Variants in FAM120B observed in about 807,000 individuals in gnomAD.
FAM120B encodes the protein family with sequence similarity 120 member B, also known as constitutive coactivator of peroxisome proliferator-activated receptor gamma.
Under a neutral mutation model 96.3 loss-of-function variants are expected in FAM120B, and 83 were observed. That is an observed-to-expected ratio of 0.86 (90% CI 0.72 to 1.03). The LOEUF (loss-of-function observed/expected upper bound fraction) is 1.03. Among genes scored for constraint, FAM120B ranks in the 50% least tolerant of loss-of-function variants. The probability of loss-of-function intolerance (pLI) is 0.00; values close to 1 mark genes in which losing one functional copy is unlikely to be tolerated. For missense variants in FAM120B, 1,027 were observed against 1,121.2 expected (o/e 0.92, Z 1.20); for synonymous variants, 407 against 402.7 (o/e 1.01, Z -0.13).
At chr6:170,334,677 C>T (rs956975879) in intron 4 of FAM120B, among the ~76,000 whole-genome samples, 5 of 152,088 alleles carry the variant, frequency 3.3e-5, no homozygotes, top group African/African-American at 1.2e-4. Context: ...TGCAGATCAA[C>T]ATAAATTGGT....
intron 5 of FAM120B, among the ~76,000 whole-genome samples, chr6:170,354,483 G>A (rs1787770159): frequency 6.6e-6 from 1 of 152,136 alleles, no homozygotes; most frequent in Non-Finnish European, 1.5e-5. Flanking sequence ...ACAACCTACA[G>A]AATGGGAGAA....
chr6:170,403,127 A>G (rs997109765), intron 9 of FAM120B, among the ~76,000 whole-genome samples: 1 of 152,232 alleles, frequency 6.6e-6, no homozygotes, highest in Admixed American at 6.5e-5. Flanking sequence ...GCTATATTTC[A>G]TTTGCATTCT....
At chr6:170,316,226 C>G (rs1307673480) in intron 1 of FAM120B, among the ~76,000 whole-genome samples, 1 of 152,154 alleles carries the variant, frequency 6.6e-6, no homozygotes, top group Non-Finnish European at 1.5e-5. Context: ...TAAATGCCTA[C>G]CACTGTCTGG....
chr6:170,350,483 C>T (rs1787502000), intron 5 of FAM120B, among the ~76,000 whole-genome samples: 1 of 152,218 alleles, frequency 6.6e-6, no homozygotes, highest in African/African-American at 2.4e-5. Flanking sequence ...TTCCTCCTGA[C>T]TGGGTGAGTC....
At chr6:170,340,542 A>G (rs984155273) in intron 4 of FAM120B, among the ~76,000 whole-genome samples, 1 of 152,138 alleles carries the variant, frequency 6.6e-6, no homozygotes, top group Non-Finnish European at 1.5e-5. Context: ...CTTGCTGGAG[A>G]GGAGTTGCGA....
intron 1 of FAM120B, among the ~76,000 whole-genome samples, chr6:170,316,873 G>A (rs1784933627): frequency 6.6e-6 from 1 of 152,286 alleles, no homozygotes; most frequent in East Asian, 1.9e-4. Context: ...TGTCACTACG[G>A]ATTAGCATAA....
At chr6:170,325,270 G>A (rs1785517659) in intron 3 of FAM120B, among the ~76,000 whole-genome samples, 1 of 151,972 alleles carries the variant, frequency 6.6e-6, no homozygotes, top group Admixed American at 6.6e-5. Flanking sequence ...TGCATGGTAT[G>A]GTATTTTTTC....
chr6:170,292,276 G>A (rs900035235), upstream of FAM120B, among the ~76,000 whole-genome samples: 10 of 152,170 alleles, frequency 6.6e-5, no homozygotes, highest in African/African-American at 1.9e-4. This position sits in a 1 kb window ranked among gnomAD's most constrained non-coding sequence, Gnocchi z 6.6. Flanking sequence ...TGGGAGGGCC[G>A]AGAACACACG....
At chr6:170,378,474 T>C (rs1386574137) in intron 6 of FAM120B, among the ~76,000 whole-genome samples, 4 of 152,228 alleles carry the variant, frequency 2.6e-5, no homozygotes, top group Non-Finnish European at 4.4e-5. Flanking sequence ...TAAAGTTTCT[T>C]GTCAGTTCAT....
At chr6:170,343,493 A>AT (rs1315783999) in intron 4 of FAM120B, among the ~76,000 whole-genome samples, 2 of 152,040 alleles carry the variant, frequency 1.3e-5, no homozygotes, top group Admixed American at 6.5e-5. Context: ...TAGGATGAAA[A>AT]TTTTTTATAT....
intron 6 of FAM120B, among the ~76,000 whole-genome samples, chr6:170,381,349 TTTAAAGAACTTCATAACTG>T (rs1260145536): frequency 6.6e-6 from 1 of 152,216 alleles, no homozygotes; most frequent in African/African-American, 2.4e-5. Context: ...AAACAGGTTC[TTTAAAGAACTTCATAACTG>T]TTAAAGAAAT....
chr6:170,384,478 C>G (rs781493804), intron 6 of FAM120B, among the ~76,000 whole-genome samples: 1 of 152,176 alleles, frequency 6.6e-6, no homozygotes. Context: ...CGTGCAGCTG[C>G]TAACCCAAAG....
At position 170,370,640 on chromosome 6, in the gene FAM120B, C is replaced by G. The variant is rs1378539130; in HGVS notation, c.2283+12322C>G. 1.3e-5 allele frequency among the ~76,000 whole-genome samples: 2 copies of G among 152,148 alleles called. No individual in the cohort carries two copies. Among genetic ancestry groups the G allele is most frequent in the African/African-American group, 4.8e-5 (2 of 41,434 alleles). Reference sequence around the variant, plus strand: ...AATGACTAAAGAGGGCGGGGCAAGGCAGTAAAGGGGAAGAACAGCAGAACT... The same window carrying G: ...AATGACTAAAGAGGGCGGGGCAAGGGAGTAAAGGGGAAGAACAGCAGAACT... On this transcript the variant is annotated intron_variant, in intron 6 of 10. Coordinates refer to ENST00000476287, the MANE Select transcript of FAM120B (RefSeq NM_032448.3). This position sits in a 1 kb window ranked among gnomAD's most constrained non-coding sequence, Gnocchi z 4.3.
chr6:170,401,389 G>A (rs895415101), intron 9 of FAM120B, among the ~76,000 whole-genome samples: 2 of 152,174 alleles, frequency 1.3e-5, no homozygotes, highest in Non-Finnish European at 1.5e-5. Context: ...GGGGGTGACA[G>A]GACATGGGGG....
intron 9 of FAM120B, among the ~76,000 whole-genome samples, chr6:170,399,218 A>T (rs1778393005): frequency 6.8e-6 from 1 of 147,392 alleles, no homozygotes; most frequent in Non-Finnish European, 1.5e-5. Context: ...TGGGAAAGGT[A>T]GAACTATGTC....
At chr6:170,361,504 A>T (rs1188757451) in intron 6 of FAM120B, among the ~76,000 whole-genome samples, 7 of 152,120 alleles carry the variant, frequency 4.6e-5, no homozygotes, top group Non-Finnish European at 8.8e-5. Context: ...ATAGTTGTGC[A>T]CGTGACGGGA....
chr6:170,301,309 C>A lies in FAM120B; in HGVS notation c.48+5856C>A, dbSNP rs148447532. ...GATCTGTACATTGGCACATTTTAGC[C>A]ATGTCTAGAGCAGCTGGGATGCAGG... On this transcript the variant is annotated intron_variant, in intron 1 of 10. Coordinates refer to the FAM120B transcript ENST00000537664. Among the ~76,000 whole-genome samples the A allele has an allele frequency of 4.6e-5, 7 of 152,340 alleles. No homozygotes were observed. The East Asian group carries it at 1.4e-3, about 29-fold the overall frequency.
intron 6 of FAM120B, among the ~76,000 whole-genome samples, chr6:170,368,844 T>G (rs1351476839): frequency 6.6e-6 from 1 of 151,550 alleles, no homozygotes; most frequent in Non-Finnish European, 1.5e-5. Flanking sequence ...CCTCCTGGCT[T>G]GCAGGCAGCC....
chr6:170,341,624 G>A (rs975795926), intron 4 of FAM120B, among the ~76,000 whole-genome samples: 9 of 152,138 alleles, frequency 5.9e-5, no homozygotes, highest in African/African-American at 1.7e-4. Context: ...CCCTGGTGGT[G>A]TAGACACACA....
Sources: allele counts gnomAD v4.1 joint callset (sites outside exome capture counted in the v4.1 genomes callset), GRCh38; gene constraint gnomAD v4.1.1; non-coding constraint Gnocchi (gnomAD v3.1); transcripts MANE v1.5; gene names NCBI Gene and HGNC (gene_info 2026-07-23, HGNC 2026-07-21).